Variants in EHD3 observed in about 807,000 individuals in gnomAD.
EHD3 encodes the protein EH domain-containing protein 3.
EHD3 carries 17 observed loss-of-function variants against 43.0 expected under a neutral mutation model. The ratio of observed to expected loss-of-function variants is 0.40; its 90% confidence interval spans 0.27 to 0.59. EHD3 has a LOEUF of 0.59. Ranked by LOEUF, EHD3 falls within the 20% of genes least tolerant of loss-of-function variation. The pLI is 0.49. For missense variants in EHD3, 594 were observed against 705.6 expected (o/e 0.84, Z 1.79); for synonymous variants, 313 against 289.5 (o/e 1.08, Z -0.82).
At chr2:31,236,788 A>G (rs1683332339) in intron 1 of EHD3, among the ~76,000 whole-genome samples, 1 of 152,170 alleles carries the variant, frequency 6.6e-6, no homozygotes, top group Non-Finnish European at 1.5e-5. Flanking sequence ...TTCCCAGTAG[A>G]CATTTTGCAG....
rs1572458695 is a variant in EHD3, at chr2:31,234,639, T to A, written c.18T>A (p.Gly6=). 6.2e-7 allele frequency: 1 copy of A among 1,613,542 alleles called. No homozygotes were observed. The highest frequency in any genetic ancestry group is 1.7e-5 in the Admixed American group (1 of 60,000). The change falls in exon 1 of 6, where the codon GGT becomes GGA. Residue 6 remains glycine (G), a synonymous_variant. Coordinates refer to ENST00000322054, the MANE Select transcript of EHD3 (RefSeq NM_014600.3). ...CGGCCGCGATGTTCAGCTGGCTGGG[T>A]ACGGACGACCGCCGGAGGAAGGACC... is the stretch of plus-strand genomic sequence containing the variant. The part of the protein sequence containing the change: MFSWL[G]TDDRRRKDPE...
Position 31,257,455 on chromosome 2 carries a change from GAGGGAGGC to G in EHD3, c.503-3048_503-3041del, listed in dbSNP as rs1178486955. Among the ~76,000 whole-genome samples, 13 of 151,538 alleles carry G rather than the reference GAGGGAGGC, an allele frequency of 8.6e-5. No homozygotes were observed. In the East Asian group the frequency reaches 2.5e-3, roughly 30 times the overall value. ...TGTGCCTGCGTGCCAGGGAGGGAGGGAGGGAGGCAGGGAGCGGCCAGGTGCAGAACGGC... is the reference window on the plus strand; with the variant it reads ...TGTGCCTGCGTGCCAGGGAGGGAGGGAGGGAGCGGCCAGGTGCAGAACGGC... On this transcript the variant is annotated intron_variant, in intron 3 of 5. Transcript: ENST00000322054.
intron 3 of EHD3, among the ~76,000 whole-genome samples, chr2:31,253,003 C>G (rs949015617): frequency 6.6e-6 from 1 of 152,156 alleles, no homozygotes; most frequent in Non-Finnish European, 1.5e-5. Flanking sequence ...GTCAGACACC[C>G]TCAGTTATCT....
At chr2:31,247,185 G>C (rs1403265931) in intron 2 of EHD3, among the ~76,000 whole-genome samples, 1 of 152,190 alleles carries the variant, frequency 6.6e-6, no homozygotes, top group African/African-American at 2.4e-5. Flanking sequence ...GTGTGAGCCT[G>C]TAACCGGCCT....
intron 1 of EHD3, among the ~76,000 whole-genome samples, chr2:31,242,815 C>T (rs1683447299): frequency 6.6e-6 from 1 of 151,932 alleles, no homozygotes. Context: ...AAAAAATTAG[C>T]CGGGCGTGGT....
rs1236137151 is a variant in EHD3, at chr2:31,269,343, A to G, written c.*2639A>G. 1.3e-5 allele frequency: 2 copies of G among 152,218 alleles called. No individual in the cohort carries two copies. Among genetic ancestry groups the G allele is most frequent in the Non-Finnish European group, 2.9e-5 (2 of 68,048 alleles). The allele number at this position is 152,218 out of a possible 1,614,324, so 9.4% of individuals were successfully genotyped here. On this transcript the variant is annotated 3_prime_UTR_variant, in exon 6 of 6. Transcript: ENST00000322054. ...GTACCAAAGAGCTAAATCATGACCA[A>G]AGTGTGACATGAATGTAACTGAAAT...
intron 3 of EHD3, among the ~76,000 whole-genome samples, chr2:31,255,599 C>T (rs901138588): frequency 6.6e-6 from 1 of 152,196 alleles, no homozygotes; most frequent in Non-Finnish European, 1.5e-5. Context: ...CCTAGATCTG[C>T]ACCTAAGTCC....
chr2:31,249,472 A>C lies in EHD3; in HGVS notation c.502+4A>C. 6.2e-7 allele frequency: 1 copy of C among 1,613,952 alleles called. No homozygotes were observed. The highest frequency in any genetic ancestry group is 8.5e-7 in the Non-Finnish European group (1 of 1,179,888). On this transcript the variant is annotated splice_donor_region_variant and intron_variant, in intron 3 of 5. Transcript: ENST00000322054. ...GAGAAGCAGAGGATCAGCCGGGGTA[A>C]GCAACCTGCCTGAGGGGTGTTGGCT... is the stretch of plus-strand genomic sequence containing the variant.
In EHD3 at chr2:31,250,940, G is replaced by C. The variant is rs186311543; in HGVS notation, c.502+1472G>C. Reference sequence around the variant, plus strand: ...GCTCTGTGGCTCTGGCTGGGACACAGATCTGCCCTGCCCATGTCTGTGCCA... The same window carrying C: ...GCTCTGTGGCTCTGGCTGGGACACACATCTGCCCTGCCCATGTCTGTGCCA... On this transcript the variant is annotated intron_variant, in intron 3 of 5. Coordinates refer to ENST00000322054, the MANE Select transcript of EHD3 (RefSeq NM_014600.3). 2.8e-3 allele frequency among the ~76,000 whole-genome samples: 421 copies of C among 152,330 alleles called. 2 individuals are homozygous for C. Among genetic ancestry groups the C allele is most frequent in the African/African-American group, 9.8e-3 (408 of 41,578 alleles).
intron 2 of EHD3, among the ~76,000 whole-genome samples, chr2:31,247,033 G>A (rs144270993): frequency 6.6e-6 from 1 of 151,996 alleles, no homozygotes; most frequent in Non-Finnish European, 1.5e-5. Context: ...AATAGCTGGG[G>A]TTACAGGCAT....
At chr2:31,242,875 A>G (rs949770718) in intron 1 of EHD3, among the ~76,000 whole-genome samples, 4 of 152,124 alleles carry the variant, frequency 2.6e-5, no homozygotes, top group African/African-American at 9.7e-5. Flanking sequence ...CAGAAGCATC[A>G]CTTGAACCTG....
chr2:31,247,706 TGG>T (rs1683553281), intron 2 of EHD3, among the ~76,000 whole-genome samples: 4 of 152,122 alleles, frequency 2.6e-5, no homozygotes, highest in Non-Finnish European at 5.9e-5. Context: ...TCCAGTCCAG[TGG>T]GCACAGGCTT....
chr2:31,253,413 C>A (rs1379838415), intron 3 of EHD3, among the ~76,000 whole-genome samples: 1 of 152,278 alleles, frequency 6.6e-6, no homozygotes, highest in East Asian at 1.9e-4. Flanking sequence ...ACCGGACACC[C>A]TTCCTCCCTG....
chr2:31,250,063 C>G (rs894367706), intron 3 of EHD3, among the ~76,000 whole-genome samples: 1 of 108,966 alleles, frequency 9.2e-6, no homozygotes, highest in East Asian at 3.1e-4. Context: ...TGACCCTCAG[C>G]AGGTTTCTTT....
Position 31,249,354 on chromosome 2 carries a change from T to A in EHD3, c.405-17T>A. 4 of 1,613,186 alleles carry A rather than the reference T, an allele frequency of 2.5e-6. No individual in the cohort carries two copies. Among genetic ancestry groups the A allele is most frequent in the Non-Finnish European group, 3.4e-6 (4 of 1,179,206 alleles). ...AAGGTGGGCGAGTACTCACCCAGGT[T>A]ACCTCTGCCCATGCAGGTTCGTGTG... On this transcript the variant is annotated splice_polypyrimidine_tract_variant and intron_variant, in intron 2 of 5. Coordinates refer to ENST00000322054, the MANE Select transcript of EHD3 (RefSeq NM_014600.3).
In EHD3 at chr2:31,266,031, C is replaced by A; in HGVS notation, c.1081-146C>A. 1 of 1,026,828 alleles carries A rather than the reference C, an allele frequency of 9.7e-7. No homozygotes were observed. The highest frequency in any genetic ancestry group is 1.4e-6 in the Non-Finnish European group (1 of 725,406). 63.6% of individuals were successfully genotyped at this position (1,026,828 alleles called of 1,614,324 possible). A position where few individuals can be genotyped will look rare whatever the true frequency, so the allele number is the denominator to read the frequency against. Reference sequence around the variant, plus strand: ...CATACCTTCGATTACCACGTGATGTCCATCAGCTGAGCCTCTAGGTCACAG... The same window carrying A: ...CATACCTTCGATTACCACGTGATGTACATCAGCTGAGCCTCTAGGTCACAG... On this transcript the variant is annotated intron_variant, in intron 5 of 5. Transcript: ENST00000322054. The surrounding 1 kb of genome is among the most constrained non-coding windows in gnomAD (Gnocchi z 5.1).
intron 3 of EHD3, among the ~76,000 whole-genome samples, chr2:31,249,870 T>TC (rs977034356): frequency 6.6e-6 from 1 of 152,156 alleles, no homozygotes; most frequent in Admixed American, 6.5e-5. Flanking sequence ...CTCAATGGTA[T>TC]CAGTGCCCTG....
chr2:31,259,159 C>A (rs1360528560), intron 3 of EHD3, among the ~76,000 whole-genome samples: 1 of 152,110 alleles, frequency 6.6e-6, no homozygotes, highest in Non-Finnish European at 1.5e-5. Flanking sequence ...CACTTTAGTA[C>A]CCAAGAAAGG....
In EHD3 at chr2:31,266,660, C is replaced by T; in HGVS notation, c.1564C>T (p.Pro522Ser). The change falls in exon 6 of 6, where the codon CCT (proline) becomes TCT (serine). Residue 522 changes from proline to serine, a missense_variant. Pro to Ser is a moderately conservative substitution (Grantham distance 74, BLOSUM62 -1). Coordinates refer to ENST00000322054, the MANE Select transcript of EHD3 (RefSeq NM_014600.3). The surrounding 1 kb of genome is among the most constrained non-coding windows in gnomAD (Gnocchi z 5.1). ...LEGHELPNELPAHLLPPSKRK... is the reference protein window; with the variant it reads ...LEGHELPNELSAHLLPPSKRK... The stretch of plus-strand genomic sequence containing the variant: ...GGGGCACGAGCTGCCCAACGAGCTG[C>T]CTGCCCACCTCCTGCCCCCGTCCAA... 6.2e-7 allele frequency: 1 copy of T among 1,612,128 alleles called. No homozygotes were observed. The highest frequency in any genetic ancestry group is 8.5e-7 in the Non-Finnish European group (1 of 1,178,696).
Sources: allele counts gnomAD v4.1 joint callset (sites outside exome capture counted in the v4.1 genomes callset), GRCh38; gene constraint gnomAD v4.1.1; non-coding constraint Gnocchi (gnomAD v3.1); transcripts MANE v1.5; gene names NCBI Gene and HGNC (gene_info 2026-07-23, HGNC 2026-07-21).